Variants in ASF1B observed in about 807,000 individuals in gnomAD.
ASF1B encodes histone chaperone ASF1B.
A neutral mutation model predicts 16.6 loss-of-function variants in ASF1B; 10 were observed. The observed-to-expected ratio is 0.60, with a 90% CI of 0.37 to 1.02. The LOEUF (loss-of-function observed/expected upper bound fraction) is 1.02. ASF1B is among the 50% of genes least tolerant of loss of function. The pLI is 0.01. For missense variants in ASF1B, 240 were observed against 266.0 expected (o/e 0.90, Z 0.68); for synonymous variants, 101 against 106.2 (o/e 0.95, Z 0.30).
Position 14,136,501 on chromosome 19 carries a change from TGGCGGA to T in ASF1B, c.-51_-46del. ...GCAGCAGGGGCAGGGGCTGTGGCTG[TGGCGGA>T]GGCCGCGCCTGGGTCCGGTGGGGTC... On this transcript the variant is annotated 5_prime_UTR_variant, in exon 1 of 4. Coordinates refer to ENST00000263382, the MANE Select transcript of ASF1B (RefSeq NM_018154.3). 6.3e-7 allele frequency: 1 copy of T among 1,577,074 alleles called. No individual in the cohort carries two copies. The highest frequency in any genetic ancestry group is 8.7e-7 in the Non-Finnish European group (1 of 1,153,806).
intron 3 of ASF1B, among the ~76,000 whole-genome samples, chr19:14,121,131 T>C (rs1024740167): frequency 6.6e-6 from 1 of 151,802 alleles, no homozygotes; most frequent in Non-Finnish European, 1.5e-5. Context: ...CCAGGACTTT[T>C]TTTTTTTAAG....
chr19:14,125,741 T>A (rs866138059), intron 2 of ASF1B, among the ~76,000 whole-genome samples: 4 of 152,170 alleles, frequency 2.6e-5, no homozygotes, highest in Non-Finnish European at 5.9e-5. Context: ...TTTGTAGAGA[T>A]GCGGTCTCAC....
intron 2 of ASF1B, among the ~76,000 whole-genome samples, chr19:14,124,400 C>A (rs904934265): frequency 2.0e-5 from 3 of 152,100 alleles, no homozygotes; most frequent in Admixed American, 2.0e-4. Context: ...AGCAGTCCTC[C>A]CGCCTCTGCC....
At chr19:14,134,831 GC>G (rs1259814623) in intron 1 of ASF1B, among the ~76,000 whole-genome samples, 4 of 151,988 alleles carry the variant, frequency 2.6e-5, no homozygotes, top group Non-Finnish European at 5.9e-5. Flanking sequence ...TGAAGCTGGA[GC>G]CCGTCACAGC....
rs138572842 is a variant in ASF1B, at chr19:14,124,433, A to G, written c.225+1689T>C. On this transcript the variant is annotated intron_variant, in intron 2 of 3. Transcript: ENST00000263382. ...GCCTCCCAAAGTGCTGGAAGCCACC[A>G]CACCCGGCCAGAATCTACATTTGAC... 3.2e-3 allele frequency among the ~76,000 whole-genome samples: 494 copies of G among 152,244 alleles called. 3 individuals carry two copies. Among genetic ancestry groups the G allele is most frequent in the African/African-American group, 0.011 (466 of 41,554 alleles).
At position 14,120,448 on chromosome 19, in the gene ASF1B, GGTTCCTGCA is replaced by G. The variant is rs1568542557; in HGVS notation, c.*2_*10del. On this transcript the variant is annotated 3_prime_UTR_variant, in exon 4 of 4. Transcript: ENST00000263382. The stretch of plus-strand genomic sequence containing the variant: ...CCTCCCGGCGTGCTGGGACACTCTG[GGTTCCTGCA>G]GTTAGATGCAGTCCATGGAGTTCTC... 6.2e-7 allele frequency: 1 copy of G among 1,612,138 alleles called. No individual in the cohort carries two copies. The highest frequency in any genetic ancestry group is 8.5e-7 in the Non-Finnish European group (1 of 1,179,196).
chr19:14,121,666 C>G lies in ASF1B; in HGVS notation c.268G>C (p.Val90Leu). 1 of 1,613,988 alleles carries G rather than the reference C, an allele frequency of 6.2e-7. No homozygotes were observed. Among genetic ancestry groups the G allele is most frequent in the Non-Finnish European group, 8.5e-7 (1 of 1,179,940 alleles). Residue 90 changes from valine to leucine, a missense_variant, in exon 3 of 4, where the codon GTG becomes CTG. By Grantham distance (32) the Val-to-Leu change is conservative. Transcript: ENST00000263382. ...NPSLIPETDA[V>L]GVTVVLITCT... ...GTGATGAGGACCACAGTCACACCCA[C>G]GGCATCAGTCTCTGGGATGAGGGAT...
At chr19:14,120,928 C>A (rs1285103536) in intron 3 of ASF1B, among the ~76,000 whole-genome samples, 1 of 152,152 alleles carries the variant, frequency 6.6e-6, no homozygotes, top group Non-Finnish European at 1.5e-5. Flanking sequence ...TCAAGCGATT[C>A]TCTTGCCTCA....
At chr19:14,121,839 A>C (rs763898939) in intron 2 of ASF1B, 131 bp from the exon 3 acceptor site, 9 of 816,360 alleles carry the variant, frequency 1.1e-5, no homozygotes, top group Non-Finnish European at 1.6e-5. Flanking sequence ...TCTTTTTTTT[A>C]CTTCTGCCTC....
intron 1 of ASF1B, 66 bp downstream of exon 1, chr19:14,136,282 G>A: frequency 7.1e-7 from 1 of 1,408,104 alleles, no homozygotes; most frequent in Non-Finnish European, 9.9e-7. Flanking sequence ...GGCCATGGGA[G>A]CGGTTCTCTG....
At chr19:14,130,205 C>T (rs1389279741) in intron 1 of ASF1B, among the ~76,000 whole-genome samples, 1 of 151,666 alleles carries the variant, frequency 6.6e-6, no homozygotes, top group Non-Finnish European at 1.5e-5. Context: ...ACTACAGGCA[C>T]CCCCCACCAC....
At chr19:14,120,811 A>T in intron 3 of ASF1B, 146 bp from the exon 4 acceptor site, 2 of 585,262 alleles carry the variant, frequency 3.4e-6, no homozygotes, top group East Asian at 6.7e-5. Context: ...CCAGGACCTT[A>T]TTTATTTATT....
At chr19:14,133,480 C>T (rs1317055094) in intron 1 of ASF1B, among the ~76,000 whole-genome samples, 2 of 151,908 alleles carry the variant, frequency 1.3e-5, no homozygotes, top group African/African-American at 4.8e-5. Context: ...CCAGCCTGGC[C>T]AAGATGGTGA....
intron 1 of ASF1B, among the ~76,000 whole-genome samples, chr19:14,129,820 G>A (rs1208494118): frequency 1.3e-5 from 2 of 151,360 alleles, no homozygotes; most frequent in Non-Finnish European, 2.9e-5. Context: ...GCTGAGGCGG[G>A]TGGATTGCTT....
intron 3 of ASF1B, among the ~76,000 whole-genome samples, chr19:14,120,993 G>A (rs929528321): frequency 6.6e-6 from 1 of 151,922 alleles, no homozygotes; most frequent in East Asian, 1.9e-4. Context: ...GCTCATTTTC[G>A]TATTTTTAGT....
At position 14,120,559 on chromosome 19, in the gene ASF1B, A is replaced by G; in HGVS notation, c.509T>C (p.Leu170Pro). 6.2e-7 allele frequency: 1 copy of G among 1,613,950 alleles called. No individual in the cohort carries two copies. Among genetic ancestry groups the G allele is most frequent in the Non-Finnish European group, 8.5e-7 (1 of 1,179,886 alleles). The change falls in exon 4 of 4, where the codon CTG (leucine) becomes CCG (proline). Residue 170 changes from leucine to proline, a missense_variant. Transcript: ENST00000263382. ...GCAGTTGAGTGGGAGGCCGCAGCCC[A>G]GGGAGGGGTCCTGGGTCTCTATGGC... is the stretch of plus-strand genomic sequence containing the variant. Reference protein sequence around the residue: ...LEAIETQDPSLGCGLPLNCTP... With the variant: ...LEAIETQDPSPGCGLPLNCTP...
rs1214504762 is a variant in ASF1B at position 14,135,019 on chromosome 19, T to A, written c.109+1329A>T. ...CGGGTGGATCACTTGAGGTCAGGAG[T>A]TCGAGACCAACCTGGCTAACATGGT... On this transcript the variant is annotated intron_variant, in intron 1 of 3. Coordinates refer to ENST00000263382, the MANE Select transcript of ASF1B (RefSeq NM_018154.3). Among the ~76,000 whole-genome samples the A allele has an allele frequency of 2.0e-5, 3 of 150,258 alleles. No individual in the cohort carries two copies. The East Asian group carries it at 5.8e-4, about 29-fold the overall frequency.
At chr19:14,135,221 C>CAA (rs34683519) in intron 1 of ASF1B, among the ~76,000 whole-genome samples, 1,707 of 54,660 alleles carry the variant, frequency 0.031, 71 homozygotes, top group African/African-American at 0.11. Flanking sequence ...GAGACTGTCT[C>CAA]AAAAAAAAAA....
chr19:14,123,127 A>T (rs1359612791), intron 2 of ASF1B, among the ~76,000 whole-genome samples: 1 of 152,204 alleles, frequency 6.6e-6, no homozygotes, highest in East Asian at 1.9e-4. Flanking sequence ...AGACGGTGAC[A>T]GCAGAGTATC....
Sources: allele counts gnomAD v4.1 joint callset (sites outside exome capture counted in the v4.1 genomes callset), GRCh38; gene constraint gnomAD v4.1.1; transcripts MANE v1.5; gene names NCBI Gene and HGNC (gene_info 2026-07-23, HGNC 2026-07-21).